CUL9: variants seen among roughly 807,000 people sequenced by gnomAD.
CUL9 encodes the protein cullin 9.
A neutral mutation model predicts 272.6 loss-of-function variants in CUL9; 79 were observed. The ratio of observed to expected loss-of-function variants is 0.29; its 90% CI spans 0.24 to 0.35. The LOEUF (loss-of-function observed/expected upper bound fraction) is 0.35, where lower values mean the gene tolerates loss of function less well. Among genes scored for constraint, CUL9 ranks in the 10% least tolerant of loss-of-function variants. CUL9 has a pLI of 1.00. For synonymous variants in CUL9, 1,186 were observed against 1,286.5 expected (o/e 0.92, Z 1.67); for missense variants, 2,532 against 3,255.6 (o/e 0.78, Z 5.41).
chr6:43,188,835 T>C (rs1773159303), intron 8 of CUL9, 120 bp downstream of exon 8: 1 of 795,862 alleles, frequency 1.3e-6, no homozygotes, highest in Non-Finnish European at 1.9e-6. Context: ...AGGCTCAGCC[T>C]GAGGAGCAGC....
intron 31 of CUL9, among the ~76,000 whole-genome samples, chr6:43,219,080 T>C (rs1776141479): frequency 6.6e-6 from 1 of 152,052 alleles, no homozygotes; most frequent in Admixed American, 6.6e-5. Context: ...TCCTGCCTAC[T>C]CAGGAGGTTG....
At chr6:43,192,470 AG>A (rs1230714064) in intron 8 of CUL9, among the ~76,000 whole-genome samples, 1 of 152,210 alleles carries the variant, frequency 6.6e-6, no homozygotes. Flanking sequence ...CAGGAGTTCG[AG>A]ACCAGTCTGG....
intron 8 of CUL9, among the ~76,000 whole-genome samples, chr6:43,189,726 A>G (rs1185411405): frequency 6.6e-6 from 1 of 151,946 alleles, no homozygotes; most frequent in Non-Finnish European, 1.5e-5. Flanking sequence ...GTATTTTAGT[A>G]GAGACGGGGT....
At position 43,200,498 on chromosome 6, in the gene CUL9, T is replaced by C; in HGVS notation, c.3447T>C (p.Phe1149=). 2.5e-6 allele frequency: 4 copies of C among 1,614,194 alleles called. No individual in the cohort carries two copies. The highest frequency in any genetic ancestry group is 3.4e-6 in the Non-Finnish European group (4 of 1,180,034). The change falls in exon 15 of 41, where the codon TTT becomes TTC. Residue 1149 remains phenylalanine (F), a synonymous_variant. Transcript: ENST00000252050. The surrounding 1 kb of genome is among the most constrained non-coding windows in gnomAD (Gnocchi z 4.0). ...ACCAACCCATCAATATCCCCTTCTTTGATGTGTTCCTCAGGCATCTCTGCC... is the reference window on the plus strand; with the variant it reads ...ACCAACCCATCAATATCCCCTTCTTCGATGTGTTCCTCAGGCATCTCTGCC... ...RTHQPINIPF[F]DVFLRHLCQG...
Position 43,222,531 on chromosome 6 carries a change from G to A in CUL9, c.6922G>A (p.Glu2308Lys). 1.9e-6 allele frequency: 3 copies of A among 1,613,960 alleles called. No individual in the cohort carries two copies. Among genetic ancestry groups the A allele is most frequent in the Non-Finnish European group, 2.5e-6 (3 of 1,179,958 alleles). The change falls in exon 37 of 41, where the codon GAG (glutamate) becomes AAG (lysine). Residue 2308 changes from glutamate to lysine, a missense_variant and splice_region_variant. By Grantham distance (56) the Glu-to-Lys change is moderately conservative (BLOSUM62 1). Coordinates refer to ENST00000252050, the MANE Select transcript of CUL9 (RefSeq NM_015089.4). Reference protein sequence around the residue: ...ERCTFHHQAREFAVNLRNRVS... With the variant: ...ERCTFHHQARKFAVNLRNRVS... The stretch of plus-strand genomic sequence containing the variant: ...TACTGATACACCTTCCTCCACACAG[G>A]AGTTTGCTGTGAACTTGCGGAACCG...
Position 43,200,288 on chromosome 6 carries a change from C to G in CUL9, c.3384+132C>G. 1 of 1,478,898 alleles carries G rather than the reference C, an allele frequency of 6.8e-7. No individual in the cohort carries two copies. The highest frequency in any genetic ancestry group is 1.4e-5 in the African/African-American group (1 of 72,020). The allele number at this position is 1,478,898 out of a possible 1,614,324, so 91.6% of individuals were successfully genotyped here. On this transcript the variant is annotated intron_variant, in intron 14 of 40. Coordinates refer to ENST00000252050, the MANE Select transcript of CUL9 (RefSeq NM_015089.4). This position sits in a 1 kb window ranked among gnomAD's most constrained non-coding sequence, Gnocchi z 4.0. ...AAATCTGGGGCACTTGTTTCCTAACCTTGACTCCACATGGTTCTGTCAAAA... is the reference window on the plus strand; with the variant it reads ...AAATCTGGGGCACTTGTTTCCTAACGTTGACTCCACATGGTTCTGTCAAAA...
Position 43,221,381 on chromosome 6 carries a change from A to C in CUL9, c.6752+60A>C. On this transcript the variant is annotated intron_variant, in intron 34 of 40. Transcript: ENST00000252050. This position sits in a 1 kb window ranked among gnomAD's most constrained non-coding sequence, Gnocchi z 4.2. Reference sequence around the variant, plus strand: ...AAGGAGGGGGGAGGAGGCCTGGCAGAAGGAGGGGGGAACGGGCTTAGTGTA... The same window carrying C: ...AAGGAGGGGGGAGGAGGCCTGGCAGCAGGAGGGGGGAACGGGCTTAGTGTA... 6.4e-6 allele frequency: 7 copies of C among 1,092,702 alleles called. No homozygotes were observed. Among genetic ancestry groups the C allele is most frequent in the Non-Finnish European group, 9.2e-6 (7 of 758,060 alleles). 67.7% of individuals were successfully genotyped at this position (1,092,702 alleles called of 1,614,324 possible).
In CUL9 at chr6:43,199,263, C is replaced by G; in HGVS notation, c.3051-3C>G. ...ACTTCACTCGTTTCTACCCCCTCACCAGGGTCATAACCCGACTGCTGGATT... is the reference window on the plus strand; with the variant it reads ...ACTTCACTCGTTTCTACCCCCTCACGAGGGTCATAACCCGACTGCTGGATT... On this transcript the variant is annotated splice_polypyrimidine_tract_variant and splice_region_variant and intron_variant, in intron 12 of 40. Transcript: ENST00000252050. This position sits in a 1 kb window ranked among gnomAD's most constrained non-coding sequence, Gnocchi z 4.4. The G allele has an allele frequency of 6.2e-7, 1 of 1,612,060 alleles. No individual in the cohort carries two copies. The highest frequency in any genetic ancestry group is 1.7e-5 in the Admixed American group (1 of 59,978).
chr6:43,200,471 C>T lies in CUL9; in HGVS notation c.3420C>T (p.Thr1140=). 6.2e-7 allele frequency: 1 copy of T among 1,614,152 alleles called. No individual in the cohort carries two copies. The highest frequency in any genetic ancestry group is 1.1e-5 in the South Asian group (1 of 91,082). The change falls in exon 15 of 41, where the codon ACC becomes ACT. Residue 1140 remains threonine (T), a synonymous_variant. Transcript: ENST00000252050. This position sits in a 1 kb window ranked among gnomAD's most constrained non-coding sequence, Gnocchi z 4.0. ...VLGQIEDHRR[T]HQPINIPFFD... is the part of the protein sequence containing the mutation. ...GCCAGATCGAAGACCACAGACGAAC[C>T]CACCAACCCATCAATATCCCCTTCT...
Position 43,221,018 on chromosome 6 carries a change from C to T in CUL9, c.6588+107C>T. On this transcript the variant is annotated intron_variant, in intron 33 of 40. Coordinates refer to ENST00000252050, the MANE Select transcript of CUL9 (RefSeq NM_015089.4). The surrounding 1 kb of genome is among the most constrained non-coding windows in gnomAD (Gnocchi z 4.2). ...CAGACTGTGACTTGTCCTTCCTCAG[C>T]CTCTGCCACCCAGTTGAGCTCTGTT... is the stretch of plus-strand genomic sequence containing the variant. 1 of 1,471,088 alleles carries T rather than the reference C, an allele frequency of 6.8e-7. No individual in the cohort carries two copies. 91.1% of individuals were successfully genotyped at this position (1,471,088 alleles called of 1,614,324 possible). A position where few individuals can be genotyped will look rare whatever the true frequency, so the allele number is the denominator to read the frequency against.
chr6:43,215,403 C>T (rs1381203735), intron 30 of CUL9, 77 bp downstream of exon 30: 17 of 1,499,586 alleles, frequency 1.1e-5, no homozygotes, highest in Non-Finnish European at 1.1e-5. Context: ...TGTGGAGAAA[C>T]ACTTCCCTTC....
In CUL9 at chr6:43,195,334, C is replaced by T. The variant is rs1010532314; in HGVS notation, c.2389-735C>T. 5.9e-5 allele frequency among the ~76,000 whole-genome samples: 9 copies of T among 152,214 alleles called. No homozygotes were observed. In the East Asian group the frequency reaches 1.7e-3, roughly 29 times the overall value. On this transcript the variant is annotated intron_variant, in intron 9 of 40. Coordinates refer to ENST00000252050, the MANE Select transcript of CUL9 (RefSeq NM_015089.4). ...GTGTCTATTTTAATTTAATTTTTCT[C>T]TATAGTCCCAGCAAACAGGTTTGCA...
intron 26 of CUL9, among the ~76,000 whole-genome samples, chr6:43,207,263 C>T (rs935841750): frequency 2.0e-5 from 3 of 152,190 alleles, no homozygotes; most frequent in Non-Finnish European, 2.9e-5. Flanking sequence ...TTTCCAGCAT[C>T]GTAGAAGGCT....
chr6:43,203,093 TC>T lies in CUL9; in HGVS notation c.3754-12del. 1 of 1,612,398 alleles carries T rather than the reference TC, an allele frequency of 6.2e-7. No individual in the cohort carries two copies. Among genetic ancestry groups the T allele is most frequent in the East Asian group, 2.2e-5 (1 of 44,878 alleles). The stretch of plus-strand genomic sequence containing the variant: ...GGAGGTGACAGTTCTCTCCCTCTTC[TC>T]CCCTGCCCTACCAGGTGAATGTGAT... On this transcript the variant is annotated splice_polypyrimidine_tract_variant and intron_variant, in intron 17 of 40. Transcript: ENST00000252050. This position sits in a 1 kb window ranked among gnomAD's most constrained non-coding sequence, Gnocchi z 5.0.
rs751603673 is a variant in CUL9 at position 43,200,076 on chromosome 6, C to T, written c.3304C>T (p.Arg1102Trp). Residue 1102 changes from arginine (R) to tryptophan (W), a missense_variant, in exon 14 of 41, where the codon CGG becomes TGG. This residue lies in a region of CUL9 where 2,218 missense variants were observed against 2,788.6 expected (regional missense o/e 0.80). Coordinates refer to ENST00000252050, the MANE Select transcript of CUL9 (RefSeq NM_015089.4). This position sits in a 1 kb window ranked among gnomAD's most constrained non-coding sequence, Gnocchi z 4.0. ...TCAGCTGCTGCTGGGCTGTGAGCTT[C>T]GGGACCTGGTGACAGAGTGTGAGAA... is the stretch of plus-strand genomic sequence containing the variant. Reference protein sequence around the residue: ...SAQLLLGCELRDLVTECEKYA... With the variant: ...SAQLLLGCELWDLVTECEKYA... The T allele has an allele frequency of 8.7e-6, 14 of 1,614,084 alleles. No individual in the cohort carries two copies. The East Asian group carries it at 1.3e-4, about 15-fold the overall frequency.
In CUL9 at chr6:43,222,090, C is replaced by G. The variant is rs1054183567; in HGVS notation, c.6847-226C>G. On this transcript the variant is annotated intron_variant, in intron 35 of 40. Transcript: ENST00000252050. ...GGGACCCTGCATTTAGAGCCTGGCT[C>G]TGCTGCTTAGCATGTGGCTTTGAGC... is the stretch of plus-strand genomic sequence containing the variant. The G allele has an allele frequency of 1.3e-5, 8 of 601,840 alleles. No individual in the cohort carries two copies. The African/African-American group carries it at 1.5e-4, about 11-fold the overall frequency. The allele number at this position is 601,840 out of a possible 1,614,324, so 37.3% of individuals were successfully genotyped here. A position where few individuals can be genotyped will look rare whatever the true frequency, so the allele number is the denominator to read the frequency against.
Position 43,203,344 on chromosome 6 carries a change from C to T in CUL9, c.3850-73C>T. Reference sequence around the variant, plus strand: ...CTGAGCAGTTCTAGGGAGCTCAGGGCAGGAGGCTTGGCTTTGGTAGTACTT... The same window carrying T: ...CTGAGCAGTTCTAGGGAGCTCAGGGTAGGAGGCTTGGCTTTGGTAGTACTT... On this transcript the variant is annotated intron_variant, in intron 18 of 40. Coordinates refer to ENST00000252050, the MANE Select transcript of CUL9 (RefSeq NM_015089.4). The surrounding 1 kb of genome is among the most constrained non-coding windows in gnomAD (Gnocchi z 5.0). 6.2e-7 allele frequency: 1 copy of T among 1,602,268 alleles called. No individual in the cohort carries two copies. Among genetic ancestry groups the T allele is most frequent in the Non-Finnish European group, 8.5e-7 (1 of 1,171,878 alleles).
rs1413805015 is a variant in CUL9 at position 43,222,536 on chromosome 6, T to C, written c.6927T>C (p.Phe2309=). 1 of 1,613,976 alleles carries C rather than the reference T, an allele frequency of 6.2e-7. No individual in the cohort carries two copies. The highest frequency in any genetic ancestry group is 8.5e-7 in the Non-Finnish European group (1 of 1,180,016). ...ATACACCTTCCTCCACACAGGAGTT[T>C]GCTGTGAACTTGCGGAACCGGGTGT... is the stretch of plus-strand genomic sequence containing the variant. The part of the protein sequence containing the change: ...RCTFHHQARE[F]AVNLRNRVSA... Residue 2309 remains phenylalanine, a synonymous_variant, in exon 37 of 41, where the codon TTT becomes TTC. Transcript: ENST00000252050.
chr6:43,190,017 C>CT (rs11333153), intron 8 of CUL9, among the ~76,000 whole-genome samples: 13 of 147,932 alleles, frequency 8.8e-5, no homozygotes, highest in South Asian at 2.1e-4. Flanking sequence ...GTTTCTACAA[C>CT]TTTTTTTTTT....
Sources: gnomAD v4.1 joint callset for allele counts (sites outside exome capture counted in the v4.1 genomes callset) on GRCh38, gnomAD v4.1.1 for gene constraint, gnomAD v4.1.1 regional missense constraint, Gnocchi (gnomAD v3.1) non-coding constraint, MANE v1.5 for transcripts, NCBI Gene and HGNC (gene_info 2026-07-23, HGNC 2026-07-21) for gene names.